The following FGF14 variants were observed in gnomAD, a reference collection of about 807,000 sequenced individuals.
The protein encoded by FGF14 is fibroblast growth factor 14.
Under a neutral mutation model 25.5 loss-of-function variants are expected in FGF14, and 5 were observed. The ratio of observed to expected loss-of-function variants is 0.20; its 90% confidence interval spans 0.10 to 0.41. The LOEUF (loss-of-function observed/expected upper bound fraction) is 0.41. Among genes scored for constraint, FGF14 ranks in the 10% least tolerant of loss-of-function variants. FGF14 has a pLI of 1.00. For synonymous variants in FGF14, 138 were observed against 118.3 expected, an observed-to-expected ratio of 1.17 and a Z score of -1.08; for missense variants, 222 against 320.1, an observed-to-expected ratio of 0.69 and a Z score of 2.34.
chr13:101,919,884 CG>C (rs112026487), upstream of FGF14, among the ~76,000 whole-genome samples: 6,519 of 152,244 alleles, frequency 0.043, 501 homozygotes, highest in African/African-American at 0.15. Flanking sequence ...CCTGGCGCAG[CG>C]CCTGAACAGC....
At chr13:102,139,266 A>G (rs2046536238) in intron 1 of FGF14, among the ~76,000 whole-genome samples, 1 of 152,020 alleles carries the variant, frequency 6.6e-6, no homozygotes, top group South Asian at 2.1e-4. Context: ...CAGGCGTGGT[A>G]GCACGTGCCT....
intron 1 of FGF14, among the ~76,000 whole-genome samples, chr13:102,189,158 GA>G (rs969456058): frequency 7.2e-5 from 11 of 151,936 alleles, no homozygotes; most frequent in African/African-American, 2.4e-4. Flanking sequence ...CCTTACTCTG[GA>G]AACTGTGAGA....
At chr13:101,849,173 A>G (rs1353091242) in intron 3 of FGF14, among the ~76,000 whole-genome samples, 1 of 152,048 alleles carries the variant, frequency 6.6e-6, no homozygotes, top group Non-Finnish European at 1.5e-5. Flanking sequence ...TCACACATCT[A>G]TACTTTTAAC....
intron 1 of FGF14, among the ~76,000 whole-genome samples, chr13:102,242,752 T>C (rs1264091720): frequency 6.6e-6 from 1 of 152,068 alleles, no homozygotes; most frequent in Non-Finnish European, 1.5e-5. Context: ...TCTGGGCATA[T>C]CCACTTCATG....
At position 101,722,611 on chromosome 13, in the gene FGF14, C is replaced by G; in HGVS notation, c.*220G>C. Reference sequence around the variant, plus strand: ...GGCATTCCATATCTGGTAGGGCATTCCATGGTCTGAGTTTAGCTGGTTATC... The same window carrying G: ...GGCATTCCATATCTGGTAGGGCATTGCATGGTCTGAGTTTAGCTGGTTATC... On this transcript the variant is annotated 3_prime_UTR_variant, in exon 5 of 5. Transcript: ENST00000376143. The G allele has an allele frequency of 1.7e-6, 1 of 599,928 alleles. No individual in the cohort carries two copies. The highest frequency in any genetic ancestry group is 2.9e-5 in the East Asian group (1 of 34,574). 37.2% of individuals were successfully genotyped at this position (599,928 alleles called of 1,614,324 possible).
rs2035076243 is a variant in FGF14, at chr13:101,722,750, C to T, written c.*81G>A. 7 of 1,582,420 alleles carry T rather than the reference C, an allele frequency of 4.4e-6. No homozygotes were observed. Among genetic ancestry groups the T allele is most frequent in the Non-Finnish European group, 6.1e-6 (7 of 1,152,784 alleles). On this transcript the variant is annotated 3_prime_UTR_variant, in exon 5 of 5. Coordinates refer to ENST00000376143, the MANE Select transcript of FGF14 (RefSeq NM_004115.4). ...AGCTTACTTCCTGCTGCTCTTCAGC[C>T]ACGGAGCAGGAATGTCTGGTGAGGA...
chr13:102,216,130 G>A (rs971897780), intron 1 of FGF14, among the ~76,000 whole-genome samples: 4 of 152,290 alleles, frequency 2.6e-5, no homozygotes, highest in South Asian at 2.1e-4. Context: ...AAGGGGATTC[G>A]CATCGCTGGG....
chr13:102,040,031 C>T lies in FGF14; in HGVS notation c.209-164735G>A, dbSNP rs373188588. The stretch of plus-strand genomic sequence containing the variant: ...ACGTTCCAGGGCTCTAAAAGTCAAA[C>T]CAAACTACAGGCCTCTCTGAAAATG... On this transcript the variant is annotated intron_variant, in intron 1 of 4. Coordinates refer to the FGF14 transcript ENST00000376131. 7.9e-5 allele frequency among the ~76,000 whole-genome samples: 12 copies of T among 152,130 alleles called. No individual in the cohort carries two copies. The South Asian group carries it at 2.5e-3, about 32-fold the overall frequency.
intron 1 of FGF14, among the ~76,000 whole-genome samples, chr13:101,902,209 C>G (rs907358537): frequency 1.1e-4 from 17 of 152,140 alleles, no homozygotes; most frequent in African/African-American, 3.9e-4. Context: ...TCCCCCATCC[C>G]AAGAATTCTG....
At chr13:102,262,502 T>C (rs1308499049) in intron 1 of FGF14, among the ~76,000 whole-genome samples, 1 of 152,144 alleles carries the variant, frequency 6.6e-6, no homozygotes, top group African/African-American at 2.4e-5. Flanking sequence ...TGGTGGGTAA[T>C]TGTTTATTTT....
intron 1 of FGF14, among the ~76,000 whole-genome samples, chr13:102,099,496 T>A (rs1464115315): frequency 2.0e-5 from 3 of 152,088 alleles, no homozygotes; most frequent in African/African-American, 4.8e-5. Flanking sequence ...CATCCATTAT[T>A]GAGCAGACAC....
At chr13:102,014,019 C>A (rs987355915) in intron 1 of FGF14, among the ~76,000 whole-genome samples, 1 of 152,000 alleles carries the variant, frequency 6.6e-6, no homozygotes, top group African/African-American at 2.4e-5. Context: ...ATCTTTACAA[C>A]AAATTTAAAA....
In FGF14 at chr13:102,189,040, AAG is replaced by A. The variant is rs762933085; in HGVS notation, c.208+212429_208+212430del. Among the ~76,000 whole-genome samples the A allele has an allele frequency of 7.8e-4, 52 of 66,304 alleles. 2 individuals carry two copies. The highest frequency in any genetic ancestry group is 2.4e-3 in the South Asian group (6 of 2,506). The allele number at this position is 66,304 out of a possible 152,430, so 43.5% of individuals were successfully genotyped here. On this transcript the variant is annotated intron_variant, in intron 1 of 4. Coordinates refer to the FGF14 transcript ENST00000376131. ...AATGAAAGAAGAAAAGAAAGAAAGA[AAG>A]AGAAAGAATGAAAGAAGAAAAGAAA...
intron 3 of FGF14, among the ~76,000 whole-genome samples, chr13:101,775,879 G>A (rs2039073849): frequency 6.6e-6 from 1 of 152,126 alleles, no homozygotes. Flanking sequence ...GAGCTAGAAT[G>A]TTCAGGCCAC....
At chr13:102,130,864 G>C (rs2046166721) in intron 1 of FGF14, among the ~76,000 whole-genome samples, 1 of 151,986 alleles carries the variant, frequency 6.6e-6, no homozygotes, top group Non-Finnish European at 1.5e-5. Context: ...ATACCCGAAG[G>C]CTATAATAAC....
At chr13:101,725,853 A>C (rs1446769526) in intron 4 of FGF14, among the ~76,000 whole-genome samples, 1 of 152,060 alleles carries the variant, frequency 6.6e-6, no homozygotes, top group Admixed American at 6.6e-5. Flanking sequence ...AGTAAATGAC[A>C]CTTTTGGCAG....
intron 4 of FGF14, among the ~76,000 whole-genome samples, 158 bp downstream of exon 4, chr13:101,726,454 A>G (rs537497495): frequency 2.0e-5 from 3 of 152,202 alleles, no homozygotes; most frequent in South Asian, 4.1e-4. Flanking sequence ...TTCTAAATCA[A>G]TAACTTAAGT....
At chr13:101,875,584 ATTAGT>A (rs1357351141) in intron 1 of FGF14, among the ~76,000 whole-genome samples, 6 of 152,280 alleles carry the variant, frequency 3.9e-5, no homozygotes, top group Middle Eastern at 3.4e-3. Context: ...CAGTTTAATT[ATTAGT>A]TTAAACTATA....
chr13:102,104,872 C>T (rs1223280405), intron 1 of FGF14, among the ~76,000 whole-genome samples: 1 of 152,030 alleles, frequency 6.6e-6, no homozygotes, highest in Admixed American at 6.6e-5. Context: ...TTTCCTTTGC[C>T]CCTGAAATCA....
Sources: gnomAD v4.1 joint callset for allele counts (sites outside exome capture counted in the v4.1 genomes callset) on GRCh38, gnomAD v4.1.1 for gene constraint, MANE v1.5 for transcripts, NCBI Gene and HGNC (gene_info 2026-07-23, HGNC 2026-07-21) for gene names.